The following ARHGAP42 variants were observed in gnomAD, a reference collection of about 807,000 sequenced individuals.
The protein encoded by ARHGAP42 is rho GTPase-activating protein 42.
ARHGAP42 carries 63 observed loss-of-function variants against 125.0 expected under a neutral mutation model. That is an observed-to-expected ratio of 0.50 (90% confidence interval 0.41 to 0.62). ARHGAP42 has a LOEUF of 0.62. Among genes scored for constraint, ARHGAP42 ranks in the 20% least tolerant of loss-of-function variants. The pLI is 0.00. For missense variants in ARHGAP42, 766 were observed against 1,024.2 expected (o/e 0.75, Z 3.44); for synonymous variants, 339 against 351.0 (o/e 0.97, Z 0.38).
intron 3 of ARHGAP42, among the ~76,000 whole-genome samples, chr11:100,813,994 C>T (rs1250785468): frequency 1.3e-5 from 2 of 152,010 alleles, no homozygotes; most frequent in Non-Finnish European, 2.9e-5. Flanking sequence ...AGATCAAGAC[C>T]ATACTGGCCA....
chr11:100,831,800 G>A (rs1382301999), intron 3 of ARHGAP42, among the ~76,000 whole-genome samples: 1 of 152,092 alleles, frequency 6.6e-6, no homozygotes, highest in Non-Finnish European at 1.5e-5. Flanking sequence ...AGTTAATTTG[G>A]GCACATGGCA....
At chr11:100,932,628 T>C (rs1353650597) in intron 6 of ARHGAP42, among the ~76,000 whole-genome samples, 1 of 152,216 alleles carries the variant, frequency 6.6e-6, no homozygotes, top group African/African-American at 2.4e-5. Context: ...CTTCCCTGTT[T>C]TATGTTCTTT....
intron 4 of ARHGAP42, 82 bp downstream of exon 4, chr11:100,859,707 A>G: frequency 1.8e-6 from 2 of 1,135,934 alleles, no homozygotes; most frequent in Non-Finnish European, 2.4e-6. Context: ...CATTTTTGAA[A>G]TTAGAATGAC....
chr11:100,901,842 G>A (rs1442442207), intron 4 of ARHGAP42, among the ~76,000 whole-genome samples: 2 of 152,204 alleles, frequency 1.3e-5, no homozygotes, highest in Non-Finnish European at 2.9e-5. Context: ...GGCTAGGAAA[G>A]GGAAATCCCC....
chr11:100,738,010 A>G (rs1453682083), intron 1 of ARHGAP42, among the ~76,000 whole-genome samples: 5 of 152,228 alleles, frequency 3.3e-5, no homozygotes, highest in Admixed American at 6.5e-5. Flanking sequence ...TTTTGCACAT[A>G]GTAGGCAGTT....
intron 1 of ARHGAP42, among the ~76,000 whole-genome samples, chr11:100,697,189 T>TTG (rs1861299157): frequency 2.0e-5 from 3 of 151,806 alleles, no homozygotes; most frequent in African/African-American, 7.2e-5. Context: ...TGGTTTTTTT[T>TTG]TTTGTTTTTT....
Position 100,774,876 on chromosome 11 carries a change from T to A in ARHGAP42, c.250+4438T>A, listed in dbSNP as rs73575552. The stretch of plus-strand genomic sequence containing the variant: ...TTTTGGCCTGTGCTTGCTGGGTTTT[T>A]TGTTTTGTTTTGTTTTGCGCCAGTG... On this transcript the variant is annotated intron_variant, in intron 2 of 23. Coordinates refer to ENST00000298815, the MANE Select transcript of ARHGAP42 (RefSeq NM_152432.4). Among the ~76,000 whole-genome samples the A allele has an allele frequency of 1.0e-2, 1,518 of 152,254 alleles. 17 individuals are homozygous for A. Among genetic ancestry groups the A allele is most frequent in the African/African-American group, 0.034 (1,409 of 41,540 alleles).
intron 4 of ARHGAP42, among the ~76,000 whole-genome samples, chr11:100,860,750 AT>A (rs2135142605): frequency 6.6e-6 from 1 of 152,254 alleles, no homozygotes; most frequent in African/African-American, 2.4e-5. Flanking sequence ...TTAGGATTGA[AT>A]AGCCTTTACA....
intron 4 of ARHGAP42, among the ~76,000 whole-genome samples, chr11:100,886,343 A>T (rs1438221452): frequency 6.6e-6 from 1 of 152,328 alleles, no homozygotes; most frequent in African/African-American, 2.4e-5. Context: ...TGTATGAAAA[A>T]AAATTCCTGA....
intron 8 of ARHGAP42, among the ~76,000 whole-genome samples, chr11:100,940,389 GA>G (rs1361601291): frequency 1.3e-5 from 2 of 152,080 alleles, no homozygotes; most frequent in African/African-American, 4.8e-5. Flanking sequence ...TTCATATGTA[GA>G]AAACAAGCTC....
chr11:100,985,085 T>C (rs1376252093), intron 22 of ARHGAP42, among the ~76,000 whole-genome samples: 1 of 152,194 alleles, frequency 6.6e-6, no homozygotes, highest in Admixed American at 6.5e-5. Flanking sequence ...GATATAATTA[T>C]TCTGTATGCT....
intron 21 of ARHGAP42, 80 bp from the exon 22 acceptor site, chr11:100,978,907 A>G: frequency 7.1e-7 from 1 of 1,411,874 alleles, no homozygotes. Context: ...GTCTTGTTTA[A>G]CTGGCAATCA....
chr11:100,771,579 T>C (rs1404951002), intron 2 of ARHGAP42, among the ~76,000 whole-genome samples: 1 of 152,160 alleles, frequency 6.6e-6, no homozygotes, highest in African/African-American at 2.4e-5. Flanking sequence ...TGCCCAACTT[T>C]AATGTCTGTA....
At chr11:100,860,190 G>A (rs1246719028) in intron 4 of ARHGAP42, among the ~76,000 whole-genome samples, 1 of 151,862 alleles carries the variant, frequency 6.6e-6, no homozygotes, top group African/African-American at 2.4e-5. Context: ...TAAAACTTAA[G>A]GTTTCTAAAA....
chr11:100,863,128 A>G (rs545031315), intron 4 of ARHGAP42, among the ~76,000 whole-genome samples: 3 of 151,714 alleles, frequency 2.0e-5, no homozygotes, highest in South Asian at 2.1e-4. Flanking sequence ...GTATAGATCA[A>G]TTTTCTTTTG....
intron 3 of ARHGAP42, among the ~76,000 whole-genome samples, chr11:100,818,394 G>A (rs1591207035): frequency 6.6e-6 from 1 of 152,294 alleles, no homozygotes; most frequent in East Asian, 1.9e-4. Flanking sequence ...AGGATGTGAT[G>A]GGTGCTAGAA....
At chr11:100,985,941 T>C (rs2135334869) in intron 22 of ARHGAP42, 1 of 414,528 alleles carries the variant, frequency 2.4e-6, no homozygotes, top group East Asian at 7.2e-5. Context: ...ATGCAAATGC[T>C]GCTGACGCTG....
At chr11:100,785,312 A>G (rs548589628) in intron 2 of ARHGAP42, among the ~76,000 whole-genome samples, 1 of 152,340 alleles carries the variant, frequency 6.6e-6, no homozygotes, top group East Asian at 1.9e-4. Context: ...AGGCCGGGCC[A>G]TCTGGTAAGA....
intron 1 of ARHGAP42, among the ~76,000 whole-genome samples, chr11:100,724,751 A>C (rs2120282348): frequency 6.6e-6 from 1 of 151,884 alleles, no homozygotes. Context: ...CTTTTCAAGG[A>C]ACCAGCTTTT....
Sources: allele counts gnomAD v4.1 joint callset (sites outside exome capture counted in the v4.1 genomes callset), GRCh38; gene constraint gnomAD v4.1.1; transcripts MANE v1.5; gene names NCBI Gene and HGNC (gene_info 2026-07-23, HGNC 2026-07-21).